RAD51B: variants seen among roughly 807,000 people sequenced by gnomAD.
The protein encoded by RAD51B is RAD51 paralog B, also known as DNA repair protein RAD51 homolog 2.
RAD51B carries 38 observed loss-of-function variants against 42.2 expected under a neutral mutation model. That is an observed-to-expected ratio of 0.90 (90% CI 0.70 to 1.18). The LOEUF (loss-of-function observed/expected upper bound fraction) is 1.18, where lower values mean the gene tolerates loss of function less well. Among genes scored for constraint, RAD51B ranks in the 50% most tolerant of loss-of-function variants. The pLI is 0.00. For missense variants in RAD51B, 373 were observed against 400.7 expected, an observed-to-expected ratio of 0.93 and a Z score of 0.59; for synonymous variants, 154 against 145.2, an observed-to-expected ratio of 1.06 and a Z score of -0.43.
chr14:68,007,650 ATC>A (rs776115974), intron 7 of RAD51B, among the ~76,000 whole-genome samples: 1 of 152,020 alleles, frequency 6.6e-6, no homozygotes, highest in Non-Finnish European at 1.5e-5. Flanking sequence ...GGATATTTAC[ATC>A]TCTTCTTTGG....
intron 7 of RAD51B, among the ~76,000 whole-genome samples, chr14:68,020,126 C>CT (rs1448017477): frequency 2.0e-5 from 3 of 152,062 alleles, no homozygotes; most frequent in South Asian, 2.1e-4. Context: ...CTTTCTTTTT[C>CT]TTTAACGGGG....
chr14:67,869,824 TC>T (rs2042460275), intron 5 of RAD51B, among the ~76,000 whole-genome samples: 1 of 152,038 alleles, frequency 6.6e-6, no homozygotes, highest in Non-Finnish European at 1.5e-5. Flanking sequence ...GAATTTCATA[TC>T]CAGCCAAACA....
chr14:68,655,287 A>C (rs1301414431), intron 11 of RAD51B, among the ~76,000 whole-genome samples: 2 of 152,188 alleles, frequency 1.3e-5, no homozygotes, highest in East Asian at 3.9e-4. Context: ...ACCCCGGGCC[A>C]CGGCAGCCTG....
chr14:68,668,845 C>T (rs1207192243), intron 11 of RAD51B, among the ~76,000 whole-genome samples: 1 of 152,218 alleles, frequency 6.6e-6, no homozygotes, highest in Non-Finnish European at 1.5e-5. Context: ...TGAAGCAGCT[C>T]AGGATCTTCT....
At chr14:68,268,846 A>T (rs957487374) in intron 7 of RAD51B, among the ~76,000 whole-genome samples, 8 of 152,250 alleles carry the variant, frequency 5.3e-5, no homozygotes, top group Admixed American at 6.5e-5. Flanking sequence ...GAATGAGACC[A>T]CATCCTGCCT....
At chr14:68,356,954 G>A (rs113954700) in intron 8 of RAD51B, among the ~76,000 whole-genome samples, 4 of 132,218 alleles carry the variant, frequency 3.0e-5, no homozygotes, top group African/African-American at 1.1e-4. Context: ...CTGCACTCCA[G>A]CCTGGGCGAC....
rs201482748 is a variant in RAD51B, at chr14:68,446,543, G to A, written c.958-21629G>A. On this transcript the variant is annotated intron_variant, in intron 9 of 10. Transcript: ENST00000471583. ...TCACATTTCCTTTCTACAGAGATTG[G>A]TTTGCAATAGTTGGTTAACCCAAGC... Among the ~76,000 whole-genome samples, 4 of 152,132 alleles carry A rather than the reference G, an allele frequency of 2.6e-5. No homozygotes were observed. In the East Asian group the frequency reaches 7.7e-4, roughly 29 times the overall value.
At chr14:68,346,202 A>G (rs574299852) in intron 8 of RAD51B, among the ~76,000 whole-genome samples, 1 of 152,330 alleles carries the variant, frequency 6.6e-6, no homozygotes, top group Admixed American at 6.5e-5. Flanking sequence ...TTGACATGGT[A>G]ATCTAACCCA....
intron 7 of RAD51B, among the ~76,000 whole-genome samples, chr14:68,097,041 C>G (rs1485358740): frequency 6.6e-6 from 1 of 152,118 alleles, no homozygotes; most frequent in Non-Finnish European, 1.5e-5. Flanking sequence ...ATGTATACAT[C>G]CATCTTCCTC....
In RAD51B at chr14:68,434,848, T is replaced by A. The variant is rs1012591249; in HGVS notation, c.957+23321T>A. Among the ~76,000 whole-genome samples, 18 of 152,302 alleles carry A rather than the reference T, an allele frequency of 1.2e-4. 1 individual carries two copies. Among genetic ancestry groups the A allele is most frequent in the Admixed American group, 1.1e-3 (17 of 15,306 alleles). On this transcript the variant is annotated intron_variant, in intron 9 of 10. Transcript: ENST00000471583. Reference sequence around the variant, plus strand: ...CTTCTGCATTGCTCATGCTGGGAGCTGTAGACTGGAGCTGTTCCTATTCAG... The same window carrying A: ...CTTCTGCATTGCTCATGCTGGGAGCAGTAGACTGGAGCTGTTCCTATTCAG...
chr14:67,851,572 G>T (rs932299834), intron 4 of RAD51B, among the ~76,000 whole-genome samples: 2 of 152,084 alleles, frequency 1.3e-5, no homozygotes, highest in Non-Finnish European at 2.9e-5. Context: ...TGGCACTGGA[G>T]TTTCTCTCCC....
chr14:68,492,412 AG>A (rs1050599063), intron 10 of RAD51B, among the ~76,000 whole-genome samples: 31 of 152,324 alleles, frequency 2.0e-4, no homozygotes, highest in Middle Eastern at 3.4e-3. Flanking sequence ...GAGCAGTGTC[AG>A]GTATATTAAT....
At chr14:68,677,924 TC>T (rs1248665273) in intron 11 of RAD51B, among the ~76,000 whole-genome samples, 2 of 152,208 alleles carry the variant, frequency 1.3e-5, no homozygotes, top group East Asian at 3.9e-4. Flanking sequence ...GCTGTGTTTT[TC>T]CCCCTACCCA....
At chr14:68,120,170 G>C (rs1215961247) in intron 7 of RAD51B, among the ~76,000 whole-genome samples, 2 of 151,622 alleles carry the variant, frequency 1.3e-5, no homozygotes, top group Non-Finnish European at 2.9e-5. Context: ...GGGGTTGTTT[G>C]TTTTTTTCTT....
chr14:68,010,816 G>A (rs79702121), intron 7 of RAD51B, among the ~76,000 whole-genome samples: 4,410 of 151,874 alleles, frequency 0.029, 126 homozygotes, highest in Admixed American at 0.089. Context: ...TATAGGGCAT[G>A]ACATTTTTTA....
intron 11 of RAD51B, among the ~76,000 whole-genome samples, chr14:68,678,294 C>T (rs961500868): frequency 3.3e-5 from 5 of 152,126 alleles, no homozygotes; most frequent in African/African-American, 4.8e-5. Flanking sequence ...CTTACCTCCT[C>T]GGTTTACCCT....
At chr14:67,962,851 A>AAT (rs2074697996) in intron 7 of RAD51B, among the ~76,000 whole-genome samples, 1 of 152,306 alleles carries the variant, frequency 6.6e-6, no homozygotes, top group South Asian at 2.1e-4. Flanking sequence ...AAGTAAAACA[A>AAT]ATATATACAA....
rs201431600 is a variant in RAD51B, at chr14:68,465,951, A to AAAAT, written c.958-2180_958-2177dup. Among the ~76,000 whole-genome samples the AAAAT allele has an allele frequency of 7.8e-3, 707 of 90,240 alleles. 9 individuals are homozygous for AAAAT. Among genetic ancestry groups the AAAAT allele is most frequent in the South Asian group, 0.015 (47 of 3,130 alleles). The allele number at this position is 90,240 out of a possible 152,430, so 59.2% of individuals were successfully genotyped here. On this transcript the variant is annotated intron_variant, in intron 9 of 10. Coordinates refer to ENST00000471583, the MANE Select transcript of RAD51B (RefSeq NM_133510.4). ...GCTAGACTCTGTCTCAAAAAAAAAA[A>AAAAT]AAATAAATAAATAAATAAATAAATA...
chr14:68,345,895 A>G (rs2082668086), intron 8 of RAD51B, among the ~76,000 whole-genome samples: 1 of 152,140 alleles, frequency 6.6e-6, no homozygotes, highest in Admixed American at 6.5e-5. Flanking sequence ...CCTGACCTCA[A>G]GTGATTCACC....
Sources: gnomAD v4.1 joint callset for allele counts (sites outside exome capture counted in the v4.1 genomes callset) on GRCh38, gnomAD v4.1.1 for gene constraint, MANE v1.5 for transcripts, NCBI Gene and HGNC (gene_info 2026-07-23, HGNC 2026-07-21) for gene names.